Variants in PRDX3 observed in about 807,000 individuals in gnomAD.
The protein encoded by PRDX3 is peroxiredoxin 3, also known as thioredoxin-dependent peroxide reductase, mitochondrial.
PRDX3 carries 20 observed loss-of-function variants against 30.4 expected under a neutral mutation model. That is an observed-to-expected ratio of 0.66 (90% CI 0.46 to 0.96). The LOEUF (loss-of-function observed/expected upper bound fraction) is 0.96. Among genes scored for constraint, PRDX3 ranks in the 40% least tolerant of loss-of-function variants. PRDX3 has a pLI of 0.00. For missense variants in PRDX3, 322 were observed against 318.3 expected (o/e 1.01, Z -0.09); for synonymous variants, 124 against 117.8 (o/e 1.05, Z -0.34).
Position 119,168,282 on chromosome 10 carries a change from G to C in PRDX3, c.*198C>G. ...AGCCACCAAGATGTTACCAATAAAG[G>C]ATTCCTTGTACTAGCAACTAACCAT... On this transcript the variant is annotated 3_prime_UTR_variant, in exon 7 of 7. Transcript: ENST00000298510. 1 of 1,119,480 alleles carries C rather than the reference G, an allele frequency of 8.9e-7. No homozygotes were observed. The highest frequency in any genetic ancestry group is 1.2e-6 in the Non-Finnish European group (1 of 830,218). 69.3% of individuals were successfully genotyped at this position (1,119,480 alleles called of 1,614,324 possible). A position where few individuals can be genotyped will look rare whatever the true frequency, so the allele number is the denominator to read the frequency against.
chr10:119,174,119 A>G (rs575745057), intron 3 of PRDX3, among the ~76,000 whole-genome samples: 6 of 152,366 alleles, frequency 3.9e-5, no homozygotes, highest in African/African-American at 1.4e-4. Flanking sequence ...ACAGTTCAAT[A>G]AAGTTGCTTT....
chr10:119,172,279 T>C, intron 5 of PRDX3, 103 bp downstream of exon 5: 1 of 1,019,676 alleles, frequency 9.8e-7, no homozygotes, highest in Middle Eastern at 2.2e-4. Context: ...CAGGATCTTC[T>C]GGTTTTAAAA....
chr10:119,174,582 G>C lies in PRDX3; in HGVS notation c.180C>G (p.Cys60Trp). 2 of 1,588,600 alleles carry C rather than the reference G, an allele frequency of 1.3e-6. No individual in the cohort carries two copies. Among genetic ancestry groups the C allele is most frequent in the South Asian group, 2.3e-5 (2 of 86,328 alleles). The change falls in exon 3 of 7, where the codon TGC (cysteine) becomes TGG (tryptophan). Residue 60 changes from cysteine (C) to tryptophan (W), a missense_variant. Transcript: ENST00000298510. ...QAKLFSTSSSCHAPAVTQHAP... is the reference protein window; with the variant it reads ...QAKLFSTSSSWHAPAVTQHAP... ...CATGCTGGGTGACAGCAGGTGCATGGCATGAGGAACCTGAAAAAAAACCCA... is the reference window on the plus strand; with the variant it reads ...CATGCTGGGTGACAGCAGGTGCATGCCATGAGGAACCTGAAAAAAAACCCA...
upstream of PRDX3, chr10:119,178,812 C>CGGGGCGGGCAGAGACGCA (rs1564840759): frequency 1.4e-6 from 2 of 1,476,618 alleles, no homozygotes; most frequent in African/African-American, 1.4e-5. Flanking sequence ...TCGGGCGCCA[C>CGGGGCGGGCAGAGACGCA]GGGGCGGGCA....
rs780905582 is a variant in PRDX3 at position 119,169,292 on chromosome 10, T to C, written c.602A>G (p.Asn201Ser). ...CACGCTTCGGCCCACTGGGAGATCG[T>C]TGACGCTCAAATGCTTGATGACTCC... The part of the protein sequence containing the change: ...PNGVIKHLSV[N>S]DLPVGRSVEE... Residue 201 changes from asparagine (N) to serine (S), a missense_variant, in exon 6 of 7, where the codon AAC (asparagine) becomes AGC (serine). Coordinates refer to ENST00000298510, the MANE Select transcript of PRDX3 (RefSeq NM_006793.5). The C allele has an allele frequency of 1.5e-5, 24 of 1,613,954 alleles. No individual in the cohort carries two copies. The highest frequency in any genetic ancestry group is 3.3e-5 in the Admixed American group (2 of 59,994).
chr10:119,169,594 T>C (rs2133650540), intron 5 of PRDX3: 1 of 358,454 alleles, frequency 2.8e-6, no homozygotes, highest in South Asian at 3.8e-5. Context: ...CAAGTTCACA[T>C]AGTGCCCTGA....
rs111877866 is a variant in PRDX3, at chr10:119,168,748, C to T, written c.718-215G>A. ...ATCCCAGCACTTTGGGAGGCCAAGG[C>T]GGGTGGATCACGAGGTCAGGAGATC... On this transcript the variant is annotated intron_variant, in intron 6 of 6. Transcript: ENST00000298510. Among the ~76,000 whole-genome samples, 641 of 152,208 alleles carry T rather than the reference C, an allele frequency of 4.2e-3. 11 individuals carry two copies. The highest frequency in any genetic ancestry group is 0.015 in the African/African-American group (612 of 41,524).
At position 119,173,843 on chromosome 10, in the gene PRDX3, G is replaced by GC. The variant is rs2133659317; in HGVS notation, c.340dup (p.Ala114GlyfsTer3). The GC allele has an allele frequency of 6.2e-7, 1 of 1,610,852 alleles. No individual in the cohort carries two copies. The highest frequency in any genetic ancestry group is 8.5e-7 in the Non-Finnish European group (1 of 1,177,694). ...AAATTCGTTAGCTTTGTCACTAAAA[G>GC]CAACAATTTCTGTAGGACACACAAA... On this transcript the variant is annotated frameshift_variant, in exon 4 of 7. Coordinates refer to ENST00000298510, the MANE Select transcript of PRDX3 (RefSeq NM_006793.5). LOFTEE classifies it high-confidence loss of function.
chr10:119,177,903 CAG>C (rs1042552064), intron 1 of PRDX3, among the ~76,000 whole-genome samples: 7 of 92,716 alleles, frequency 7.5e-5, no homozygotes, highest in African/African-American at 2.7e-4. Context: ...TTTTTTGAAA[CAG>C]AGTCTCGCTC....
chr10:119,172,586 A>G (rs1347935854), intron 4 of PRDX3, 101 bp from the exon 5 acceptor site: 2 of 993,444 alleles, frequency 2.0e-6, no homozygotes, highest in African/African-American at 3.2e-5. Flanking sequence ...GATAGGTAAC[A>G]GTAATTCAAC....
intron 1 of PRDX3, 100 bp from the exon 2 acceptor site, chr10:119,177,253 T>G (rs1848056749): frequency 7.9e-7 from 1 of 1,260,554 alleles, no homozygotes; most frequent in Non-Finnish European, 1.1e-6. Flanking sequence ...CCTGTTCCTG[T>G]GAACCAAATA....
chr10:119,178,750 C>A lies in PRDX3; in HGVS notation c.36+5G>T. The A allele has an allele frequency of 6.4e-7, 1 of 1,551,914 alleles. No individual in the cohort carries two copies. The highest frequency in any genetic ancestry group is 8.7e-7 in the Non-Finnish European group (1 of 1,147,612). On this transcript the variant is annotated splice_donor_5th_base_variant and intron_variant, in intron 1 of 6. Transcript: ENST00000298510. ...CACGCCTGTCCCCAGCCGACAGCCA[C>A]TCACCGACGCTCGGAGCAACCGTCC...
intron 4 of PRDX3, among the ~76,000 whole-genome samples, 160 bp from the exon 5 acceptor site, chr10:119,172,645 C>A (rs1031840171): frequency 6.6e-6 from 1 of 152,210 alleles, no homozygotes. Context: ...TCCTCGAAAC[C>A]ACCCTGGAGA....
intron 4 of PRDX3, 106 bp downstream of exon 4, chr10:119,173,630 AC>A: frequency 7.4e-7 from 1 of 1,356,180 alleles, no homozygotes; most frequent in African/African-American, 1.5e-5. Flanking sequence ...AAAAAAAAAA[AC>A]CCAACCCTTG....
intron 5 of PRDX3, among the ~76,000 whole-genome samples, chr10:119,171,734 T>A (rs944793133): frequency 4.6e-5 from 7 of 152,198 alleles, no homozygotes; most frequent in Non-Finnish European, 8.8e-5. Flanking sequence ...ATGGGAAAAC[T>A]GGGGCTCAAC....
Position 119,178,742 on chromosome 10 carries a change from G to T in PRDX3, c.36+13C>A, listed in dbSNP as rs1264602759. 8.4e-6 allele frequency: 13 copies of T among 1,551,374 alleles called. No individual in the cohort carries two copies. Among genetic ancestry groups the T allele is most frequent in the Admixed American group, 7.8e-5 (4 of 51,096 alleles). On this transcript the variant is annotated intron_variant, in intron 1 of 6. Transcript: ENST00000298510. ...AGTGTCTCCACGCCTGTCCCCAGCCGACAGCCACTCACCGACGCTCGGAGC... is the reference window on the plus strand; with the variant it reads ...AGTGTCTCCACGCCTGTCCCCAGCCTACAGCCACTCACCGACGCTCGGAGC...
chr10:119,177,430 C>T (rs914539656), intron 1 of PRDX3, among the ~76,000 whole-genome samples: 5 of 152,114 alleles, frequency 3.3e-5, no homozygotes, highest in African/African-American at 9.7e-5. Context: ...GAGGCCAAGA[C>T]GGGTTGATCA....
intron 5 of PRDX3, 67 bp from the exon 6 acceptor site, chr10:119,169,409 C>A: frequency 7.8e-7 from 1 of 1,289,982 alleles, no homozygotes; most frequent in East Asian, 2.5e-5. Context: ...AACTTCTTCC[C>A]TTTTAGGTCT....
intron 6 of PRDX3, 127 bp downstream of exon 6, chr10:119,169,050 T>G: frequency 1.2e-6 from 1 of 802,626 alleles, no homozygotes; most frequent in Non-Finnish European, 1.9e-6. Flanking sequence ...CCACAGCAGC[T>G]TCACCCATTT....
Sources: allele counts gnomAD v4.1 joint callset (sites outside exome capture counted in the v4.1 genomes callset), GRCh38; gene constraint gnomAD v4.1.1; transcripts MANE v1.5; gene names NCBI Gene and HGNC (gene_info 2026-07-23, HGNC 2026-07-21).